The following TRIM75 variants were observed in gnomAD, a reference collection of about 807,000 sequenced individuals.
The protein encoded by TRIM75 is tripartite motif-containing protein 75.
At chr4:165,060,120 G>T in the TRIM75 span, 12 of 780,878 alleles carry the variant, frequency 1.5e-5, no homozygotes, top group South Asian at 1.5e-4. Context: ...AAAACAAAAG[G>T]TTCCTGGTTT....
the TRIM75 span, among the ~76,000 whole-genome samples, chr4:165,055,598 AAAG>A: frequency 7.6e-6 from 1 of 131,896 alleles, no homozygotes; most frequent in African/African-American, 2.5e-5. Context: ...TACATTTTAC[AAAG>A]GAGAGGCGTT....
At chr4:165,059,614 C>T in the TRIM75 span, 1 of 780,754 alleles carries the variant, frequency 1.3e-6, no homozygotes, top group African/African-American at 1.7e-5. Context: ...AAGCAATTGG[C>T]AGACCTCCAA....
At chr4:165,056,602 CTTTTTTTTTTTTTTTT>C in the TRIM75 span, among the ~76,000 whole-genome samples, 8 of 69,992 alleles carry the variant, frequency 1.1e-4, no homozygotes, top group Non-Finnish European at 1.8e-4. Context: ...GTCTCTGTCT[CTTTTTTTTTTTTTTTT>C]TTTTTTTTTT....
chr4:165,060,039 C>A, the TRIM75 span: 1 of 776,348 alleles, frequency 1.3e-6, no homozygotes, highest in Admixed American at 1.7e-5. Flanking sequence ...AGAAATAATT[C>A]TAGACCCTGA....
the TRIM75 span, among the ~76,000 whole-genome samples, chr4:165,056,602 C>CTGTCTCTT: frequency 4.3e-5 from 3 of 69,960 alleles, no homozygotes; most frequent in Admixed American, 1.8e-4. Context: ...GTCTCTGTCT[C>CTGTCTCTT]TTTTTTTTTT....
the TRIM75 span, chr4:165,060,412 G>C: frequency 2.0e-5 from 16 of 780,746 alleles, no homozygotes; most frequent in Non-Finnish European, 3.3e-5. Context: ...TATGAGATGG[G>C]TGAGATCTCA....
At chr4:165,055,486 G>A in the TRIM75 span, among the ~76,000 whole-genome samples, 2 of 151,950 alleles carry the variant, frequency 1.3e-5, no homozygotes, top group South Asian at 2.1e-4. Context: ...GTTTCTCCAC[G>A]TTGGTTAGGC....
the TRIM75 span, among the ~76,000 whole-genome samples, chr4:165,058,802 A>G: frequency 2.6e-5 from 4 of 152,230 alleles, no homozygotes; most frequent in Non-Finnish European, 5.9e-5. Flanking sequence ...ACCCACAGCA[A>G]CCAATGATTT....
chr4:165,060,321 G>A, the TRIM75 span: 2 of 780,932 alleles, frequency 2.6e-6, no homozygotes, highest in Admixed American at 3.4e-5. Flanking sequence ...GCTGCAAGAT[G>A]ATGGCTATCA....
the TRIM75 span, chr4:165,059,405 T>TA: frequency 1.3e-6 from 1 of 779,770 alleles, no homozygotes; most frequent in South Asian, 1.3e-5. Flanking sequence ...GCACCAAGAG[T>TA]AATAAAAGGA....
chr4:165,054,263 T>A, the TRIM75 span, among the ~76,000 whole-genome samples: 9 of 114,684 alleles, frequency 7.8e-5, no homozygotes, highest in South Asian at 5.9e-4. Context: ...GGATAATTTG[T>A]GTATTTTTTT....
At chr4:165,055,639 GAGGCCAGAGGGGA>G in the TRIM75 span, among the ~76,000 whole-genome samples, 1 of 152,158 alleles carries the variant, frequency 6.6e-6, no homozygotes, top group African/African-American at 2.4e-5. Flanking sequence ...GCTGGAAGAT[GAGGCCAGAGGGGA>G]AGCCTGAAAT....
At chr4:165,057,064 A>G in the TRIM75 span, among the ~76,000 whole-genome samples, 1 of 152,220 alleles carries the variant, frequency 6.6e-6, no homozygotes, top group Non-Finnish European at 1.5e-5. Flanking sequence ...GTGTGCATCA[A>G]TATATTTGGT....
the TRIM75 span, chr4:165,060,016 A>G: frequency 1.3e-6 from 1 of 772,706 alleles, no homozygotes; most frequent in Admixed American, 1.8e-5. Flanking sequence ...AGAATTATAA[A>G]GAAATTTAAA....
At chr4:165,055,149 T>C in the TRIM75 span, among the ~76,000 whole-genome samples, 1 of 151,704 alleles carries the variant, frequency 6.6e-6, no homozygotes, top group African/African-American at 2.4e-5. Flanking sequence ...AAAAAAAATT[T>C]TTTTTTGTAG....
At chr4:165,060,541 C>G in the TRIM75 span, 1 of 754,892 alleles carries the variant, frequency 1.3e-6, no homozygotes, top group Non-Finnish European at 2.5e-6. Context: ...TGTACAGGGA[C>G]AGTTTGTGAA....
chr4:165,055,470 G>A, the TRIM75 span, among the ~76,000 whole-genome samples: 23,474 of 151,698 alleles, frequency 0.15, 2,937 homozygotes, highest in African/African-American at 0.35. Context: ...TTTTAGTAGA[G>A]ACAGGGTTTC....
chr4:165,060,007 G>T, the TRIM75 span: 1 of 773,150 alleles, frequency 1.3e-6, no homozygotes, highest in South Asian at 1.4e-5. Context: ...GCTCTGCAGA[G>T]AATTATAAAG....
At chr4:165,055,143 A>C in the TRIM75 span, among the ~76,000 whole-genome samples, 6 of 152,186 alleles carry the variant, frequency 3.9e-5, no homozygotes, top group Non-Finnish European at 8.8e-5. Context: ...CCATTAAAAA[A>C]AAATTTTTTT....
Sources: gnomAD v4.1 joint callset for allele counts (sites outside exome capture counted in the v4.1 genomes callset) on GRCh38, gnomAD v4.1.1 for gene constraint, MANE v1.5 for transcripts, NCBI Gene and HGNC (gene_info 2026-07-23, HGNC 2026-07-21) for gene names.